The following CRPPA variants were observed in gnomAD, a reference collection of about 807,000 sequenced individuals.
CRPPA encodes the protein D-ribitol-5-phosphate cytidylyltransferase.
In CRPPA, 43 loss-of-function variants were observed where a neutral mutation model predicts 52.0. The ratio of observed to expected loss-of-function variants is 0.83; its 90% CI spans 0.65 to 1.07. CRPPA has a LOEUF of 1.07. Ranked by LOEUF, CRPPA falls within the 50% of genes least tolerant of loss-of-function variation. CRPPA has a pLI of 0.00. For synonymous variants in CRPPA, 250 were observed against 203.5 expected (o/e 1.23, Z -1.94); for missense variants, 629 against 551.7 (o/e 1.14, Z -1.40).
At position 16,097,304 on chromosome 7, in the gene CRPPA, A is replaced by G. The variant is rs1008613643; in HGVS notation, c.1252-5505T>C. ...TAACAATTGTTCACTGAGATCTTAA[A>G]GAGTTTCATAATAGCTGTGTTTTAA... On this transcript the variant is annotated intron_variant, in intron 9 of 9. Transcript: ENST00000407010. 5.3e-5 allele frequency among the ~76,000 whole-genome samples: 8 copies of G among 152,186 alleles called. No individual in the cohort carries two copies. The East Asian group carries it at 1.2e-3, about 22-fold the overall frequency.
At chr7:16,384,919 A>T (rs190510547) in intron 2 of CRPPA, among the ~76,000 whole-genome samples, 4 of 152,324 alleles carry the variant, frequency 2.6e-5, no homozygotes, top group Non-Finnish European at 5.9e-5. Flanking sequence ...AAATACATTC[A>T]AAGAACTAGA....
chr7:16,363,814 G>A (rs1287338823), intron 3 of CRPPA, among the ~76,000 whole-genome samples: 3 of 152,144 alleles, frequency 2.0e-5, no homozygotes, highest in African/African-American at 7.2e-5. Context: ...ACAATCATGG[G>A]AGTAGAAAAC....
At chr7:16,382,598 G>C (rs1279657786) in intron 2 of CRPPA, among the ~76,000 whole-genome samples, 2 of 151,914 alleles carry the variant, frequency 1.3e-5, no homozygotes, top group African/African-American at 4.8e-5. Context: ...TTCCAACTTG[G>C]TTCCATTCTC....
chr7:16,386,302 G>T (rs1787269673), intron 2 of CRPPA, among the ~76,000 whole-genome samples: 1 of 152,144 alleles, frequency 6.6e-6, no homozygotes, highest in South Asian at 2.1e-4. Context: ...CCATTCTGCT[G>T]CTCTTTTGTC....
intron 3 of CRPPA, among the ~76,000 whole-genome samples, chr7:16,328,881 C>T (rs10237886): frequency 0.91 from 138,206 of 152,040 alleles, 62,991 homozygotes; most frequent in Non-Finnish European, 0.95. Flanking sequence ...TTTGGGGTTT[C>T]TTTTAAACAT....
chr7:16,416,886 G>A (rs986941287), intron 1 of CRPPA, among the ~76,000 whole-genome samples: 1 of 152,042 alleles, frequency 6.6e-6, no homozygotes, highest in Non-Finnish European at 1.5e-5. Flanking sequence ...AACTATCAGA[G>A]TAAACAGTTT....
chr7:16,150,966 T>C (rs1783065786), intron 9 of CRPPA, among the ~76,000 whole-genome samples: 1 of 152,212 alleles, frequency 6.6e-6, no homozygotes, highest in Admixed American at 6.5e-5. Context: ...TCACCTATCA[T>C]TAGGCTCCAC....
At chr7:16,154,809 C>CTT (rs549480340) in intron 9 of CRPPA, among the ~76,000 whole-genome samples, 1 of 132,018 alleles carries the variant, frequency 7.6e-6, no homozygotes, top group Non-Finnish European at 1.6e-5. Flanking sequence ...CAAGATGGGT[C>CTT]TTTTTTTTTT....
At chr7:16,285,576 A>C (rs1045370834) in intron 5 of CRPPA, among the ~76,000 whole-genome samples, 1 of 152,158 alleles carries the variant, frequency 6.6e-6, no homozygotes, top group Non-Finnish European at 1.5e-5. Flanking sequence ...GATGTGATTT[A>C]ACAGAGAGAA....
intron 8 of CRPPA, among the ~76,000 whole-genome samples, chr7:16,249,533 T>C (rs1364867610): frequency 6.6e-6 from 1 of 152,114 alleles, no homozygotes; most frequent in Admixed American, 6.5e-5. Flanking sequence ...AGAGGAAGGA[T>C]CAGACAGCAA....
intron 9 of CRPPA, among the ~76,000 whole-genome samples, chr7:16,128,653 G>C (rs556514944): frequency 1.8e-4 from 28 of 152,120 alleles, no homozygotes; most frequent in Non-Finnish European, 3.8e-4. Context: ...AAGGCAGTGG[G>C]TGACAGTAAA....
intron 8 of CRPPA, among the ~76,000 whole-genome samples, chr7:16,253,690 T>C (rs1783525679): frequency 6.6e-6 from 1 of 152,024 alleles, no homozygotes; most frequent in African/African-American, 2.4e-5. Context: ...AAAGACTTCA[T>C]GACTAAAACA....
chr7:16,364,114 A>C (rs1377058570), intron 3 of CRPPA, among the ~76,000 whole-genome samples: 1 of 152,204 alleles, frequency 6.6e-6, no homozygotes, highest in Non-Finnish European at 1.5e-5. Flanking sequence ...CTGAGGGTAG[A>C]AAATAATTAT....
chr7:16,327,557 C>T (rs963796529), intron 3 of CRPPA, among the ~76,000 whole-genome samples: 1 of 139,010 alleles, frequency 7.2e-6, no homozygotes, highest in African/African-American at 2.7e-5. Flanking sequence ...TGCGCCACTG[C>T]AGTCCGCAGT....
intron 9 of CRPPA, among the ~76,000 whole-genome samples, chr7:16,157,006 G>A (rs1009348817): frequency 1.5e-4 from 23 of 152,086 alleles, no homozygotes; most frequent in Non-Finnish European, 4.4e-5. Context: ...TTTTGTTATT[G>A]TTGTTTTTTG....
intron 5 of CRPPA, among the ~76,000 whole-genome samples, chr7:16,289,364 C>G (rs1186972140): frequency 6.6e-6 from 1 of 152,050 alleles, no homozygotes; most frequent in African/African-American, 2.4e-5. Flanking sequence ...TTGAGGCAAG[C>G]ATCACCCTGA....
chr7:16,305,368 A>G (rs950679082), intron 4 of CRPPA, among the ~76,000 whole-genome samples: 2 of 152,224 alleles, frequency 1.3e-5, no homozygotes, highest in Non-Finnish European at 2.9e-5. Context: ...CCCAATCCAG[A>G]GCACGACAGG....
chr7:16,250,128 A>G (rs1322444276), intron 8 of CRPPA, among the ~76,000 whole-genome samples: 2 of 152,116 alleles, frequency 1.3e-5, no homozygotes, highest in Non-Finnish European at 2.9e-5. Flanking sequence ...AAGAAAGTAT[A>G]TCAGTGATTA....
At chr7:16,315,109 T>C (rs1391158507) in intron 3 of CRPPA, among the ~76,000 whole-genome samples, 4 of 152,184 alleles carry the variant, frequency 2.6e-5, no homozygotes, top group Admixed American at 6.5e-5. Context: ...TGAAGATATA[T>C]ACTCAAGCTG....
Sources: allele counts gnomAD v4.1 joint callset (sites outside exome capture counted in the v4.1 genomes callset), GRCh38; gene constraint gnomAD v4.1.1; transcripts MANE v1.5; gene names NCBI Gene and HGNC (gene_info 2026-07-23, HGNC 2026-07-21).